TACC2: variants seen among roughly 807,000 people sequenced by gnomAD.
TACC2 encodes the protein transforming acidic coiled-coil containing protein 2.
Under a neutral mutation model 227.3 loss-of-function variants are expected in TACC2, and 137 were observed. The observed-to-expected ratio is 0.60, with a 90% CI of 0.52 to 0.69. The LOEUF (loss-of-function observed/expected upper bound fraction) is 0.69. Among genes scored for constraint, TACC2 ranks in the 30% least tolerant of loss-of-function variants. The pLI is 0.00. For missense variants in TACC2, 3,470 were observed against 3,694.4 expected (o/e 0.94, Z 1.57); for synonymous variants, 1,523 against 1,487.5 (o/e 1.02, Z -0.55).
intron 6 of TACC2, among the ~76,000 whole-genome samples, chr10:122,134,857 G>A (rs1313867768): frequency 2.0e-5 from 3 of 152,216 alleles, no homozygotes; most frequent in African/African-American, 7.2e-5. Context: ...GCAGTCCAGC[G>A]GAGGGTGTAA....
chr10:122,132,503 C>A, intron 5 of TACC2, 106 bp from the exon 6 acceptor site: 4 of 1,340,666 alleles, frequency 3.0e-6, no homozygotes, highest in Non-Finnish European at 4.2e-6. Context: ...GAGCGGAGAT[C>A]GCGCCATTGC....
At chr10:122,134,834 C>T (rs950871973) in intron 6 of TACC2, among the ~76,000 whole-genome samples, 11 of 152,310 alleles carry the variant, frequency 7.2e-5, no homozygotes, top group South Asian at 2.1e-4. Flanking sequence ...GGCGGGATGG[C>T]TCTCAGAGAG....
At chr10:122,192,806 T>C (rs1223094797) in intron 7 of TACC2, 1 of 456,450 alleles carries the variant, frequency 2.2e-6, no homozygotes, top group East Asian at 7.0e-5. Context: ...AGGCAAGTTA[T>C]CTCTGTGTAT....
At chr10:122,175,573 A>G (rs2093658655) in intron 7 of TACC2, among the ~76,000 whole-genome samples, 1 of 152,030 alleles carries the variant, frequency 6.6e-6, no homozygotes, top group African/African-American at 2.4e-5. Context: ...ATTTTTCTGG[A>G]TACTGTTTTT....
chr10:122,017,388 C>T (rs528443039), intron 1 of TACC2, among the ~76,000 whole-genome samples: 26 of 152,288 alleles, frequency 1.7e-4, no homozygotes, highest in Non-Finnish European at 2.5e-4. Context: ...CCTGCCAGTC[C>T]TCAGGAGTAG....
chr10:121,999,973 G>A (rs557078615), intron 1 of TACC2, among the ~76,000 whole-genome samples: 6 of 152,284 alleles, frequency 3.9e-5, no homozygotes, highest in South Asian at 2.1e-4. Flanking sequence ...GTGGTCCTAC[G>A]GATCAAACCA....
chr10:122,067,963 T>C (rs1170910347), intron 3 of TACC2, among the ~76,000 whole-genome samples: 3 of 152,262 alleles, frequency 2.0e-5, no homozygotes, highest in Admixed American at 1.3e-4. Flanking sequence ...ATTTGGTTAC[T>C]TGAATTTGTC....
At chr10:122,238,113 G>T in intron 18 of TACC2, 76 bp downstream of exon 18, 1 of 1,188,438 alleles carries the variant, frequency 8.4e-7, no homozygotes, top group South Asian at 1.3e-5. Flanking sequence ...GAGCTGGTGT[G>T]GTCCACAGAA....
intron 6 of TACC2, among the ~76,000 whole-genome samples, chr10:122,139,493 G>A (rs535070494): frequency 6.6e-6 from 1 of 152,252 alleles, no homozygotes; most frequent in African/African-American, 2.4e-5. Flanking sequence ...TCTGAGAGAC[G>A]CCTGTTCTAT....
intron 2 of TACC2, among the ~76,000 whole-genome samples, chr10:122,035,720 C>T (rs541675150): frequency 6.6e-6 from 1 of 152,282 alleles, no homozygotes; most frequent in African/African-American, 2.4e-5. Context: ...ACTTTTTCAT[C>T]TTCTCAAACT....
intron 7 of TACC2, among the ~76,000 whole-genome samples, chr10:122,158,033 C>T (rs1171533910): frequency 6.6e-6 from 1 of 150,580 alleles, no homozygotes; most frequent in Non-Finnish European, 1.5e-5. Context: ...CTCCTTCCCT[C>T]CTATAGGTAT....
intron 5 of TACC2, among the ~76,000 whole-genome samples, chr10:122,098,844 C>T (rs2081794016): frequency 6.6e-6 from 1 of 152,218 alleles, no homozygotes; most frequent in Non-Finnish European, 1.5e-5. Context: ...AATGCTTCTT[C>T]TCGTCCTGTA....
intron 7 of TACC2, among the ~76,000 whole-genome samples, chr10:122,154,340 G>GAGGC (rs1469745723): frequency 4.6e-5 from 7 of 152,352 alleles, no homozygotes; most frequent in African/African-American, 1.7e-4. Context: ...GGTAGATTCC[G>GAGGC]AGGCAGGCAG....
rs2079658483 is a variant in TACC2, at chr10:122,082,677, C to T, written c.177C>T (p.Cys59=). 1 of 1,613,496 alleles carries T rather than the reference C, an allele frequency of 6.2e-7. No homozygotes were observed. The highest frequency in any genetic ancestry group is 8.5e-7 in the Non-Finnish European group (1 of 1,179,702). ...SIGSVGLGGF[C]TASESSASLD... ...GCAGCGTTGGGCTTGGAGGCTTCTG[C>T]ACCGCTTCTGAGAGTTCTGCCAGCC... The change falls in exon 4 of 23, where the codon TGC becomes TGT. Residue 59 remains cysteine (C), a synonymous_variant. Coordinates refer to ENST00000369005, the MANE Select transcript of TACC2 (RefSeq NM_206862.4).
chr10:122,245,453 C>T (rs984442713), intron 19 of TACC2, among the ~76,000 whole-genome samples: 6 of 152,120 alleles, frequency 3.9e-5, no homozygotes, highest in African/African-American at 1.4e-4. Flanking sequence ...GTAAACAGCT[C>T]CTTTACCAAG....
rs2077486967 is a variant in TACC2 at position 122,067,295 on chromosome 10, T to C, written c.147-15352T>C. Among the ~76,000 whole-genome samples the C allele has an allele frequency of 2.0e-5, 3 of 152,198 alleles. No individual in the cohort carries two copies. In the South Asian group the frequency reaches 6.2e-4, roughly 31 times the overall value. On this transcript the variant is annotated intron_variant, in intron 3 of 22. Coordinates refer to ENST00000369005, the MANE Select transcript of TACC2 (RefSeq NM_206862.4). ...TTATTTCACCTGGTTTAGAAAAATA[T>C]TTTGTCTGGGCAAAGATTTCTAGGT...
At chr10:122,216,553 C>T in intron 10 of TACC2, 74 bp from the exon 11 acceptor site, 1 of 1,520,310 alleles carries the variant, frequency 6.6e-7, no homozygotes, top group Admixed American at 1.8e-5. Flanking sequence ...TAATGGGTCC[C>T]CAGACCTGAG....
chr10:122,114,414 A>G (rs2084262888), intron 5 of TACC2, among the ~76,000 whole-genome samples: 1 of 152,228 alleles, frequency 6.6e-6, no homozygotes, highest in Non-Finnish European at 1.5e-5. Context: ...TAGGGTTGAC[A>G]GTTGATGGAA....
chr10:122,047,225 G>T (rs369035056), intron 2 of TACC2, among the ~76,000 whole-genome samples: 1 of 132,558 alleles, frequency 7.5e-6, no homozygotes, highest in Non-Finnish European at 1.5e-5. Context: ...GGAAGCACAG[G>T]TTGCAGCGAT....
Sources: gnomAD v4.1 joint callset for allele counts (sites outside exome capture counted in the v4.1 genomes callset) on GRCh38, gnomAD v4.1.1 for gene constraint, MANE v1.5 for transcripts, NCBI Gene and HGNC (gene_info 2026-07-23, HGNC 2026-07-21) for gene names.